Variants in PARD3 observed in about 807,000 individuals in gnomAD.
PARD3 encodes the protein par-3 family cell polarity regulator.
PARD3 carries 75 observed loss-of-function variants against 155.4 expected under a neutral mutation model. That is an observed-to-expected ratio of 0.48 (90% CI 0.40 to 0.58). The LOEUF is 0.58. Ranked by LOEUF, PARD3 falls within the 20% of genes least tolerant of loss-of-function variation. The pLI is 0.00. For synonymous variants in PARD3, 576 were observed against 610.5 expected (o/e 0.94, Z 0.83); for missense variants, 1,642 against 1,721.7 (o/e 0.95, Z 0.82).
At chr10:34,308,361 A>G (rs1957520604) in intron 20 of PARD3, among the ~76,000 whole-genome samples, 1 of 152,238 alleles carries the variant, frequency 6.6e-6, no homozygotes, top group Non-Finnish European at 1.5e-5. Flanking sequence ...AAGAGGGCAC[A>G]CAGAGCTTGG....
intron 2 of PARD3, among the ~76,000 whole-genome samples, chr10:34,571,770 T>G (rs1413094189): frequency 6.6e-6 from 1 of 152,226 alleles, no homozygotes; most frequent in African/African-American, 2.4e-5. Flanking sequence ...TTGGGAACAC[T>G]GAGTTGTGAA....
intron 20 of PARD3, among the ~76,000 whole-genome samples, chr10:34,311,321 CG>C (rs1049189053): frequency 1.3e-5 from 2 of 152,032 alleles, no homozygotes; most frequent in African/African-American, 4.8e-5. Flanking sequence ...AGGCTCGTCT[CG>C]AACTCCTGTG....
At chr10:34,481,944 G>A (rs893402981) in intron 3 of PARD3, among the ~76,000 whole-genome samples, 6 of 150,586 alleles carry the variant, frequency 4.0e-5, no homozygotes, top group Non-Finnish European at 5.9e-5. Context: ...CAATCCACCC[G>A]CCACAGCCTC....
chr10:34,151,738 C>T (rs924748728), intron 22 of PARD3, among the ~76,000 whole-genome samples: 3 of 152,174 alleles, frequency 2.0e-5, no homozygotes, highest in Non-Finnish European at 4.4e-5. Flanking sequence ...ATCAGATTTT[C>T]CCATAGGAGC....
At chr10:34,349,616 A>G (rs1427784466) in intron 14 of PARD3, among the ~76,000 whole-genome samples, 1 of 149,836 alleles carries the variant, frequency 6.7e-6, no homozygotes, top group Non-Finnish European at 1.5e-5. Flanking sequence ...AAAAGCTAAT[A>G]AAACGAATAC....
intron 22 of PARD3, among the ~76,000 whole-genome samples, chr10:34,207,470 C>A (rs997948318): frequency 1.3e-5 from 2 of 152,094 alleles, no homozygotes; most frequent in African/African-American, 4.8e-5. Context: ...AAAAGCATTT[C>A]CAATGGTGGG....
chr10:34,689,216 G>A (rs1436316750), intron 2 of PARD3, among the ~76,000 whole-genome samples: 1 of 152,170 alleles, frequency 6.6e-6, no homozygotes, highest in African/African-American at 2.4e-5. Flanking sequence ...GCCAAAAATA[G>A]TTGAAAACAC....
At chr10:34,442,008 T>G (rs1375539191) in intron 5 of PARD3, among the ~76,000 whole-genome samples, 1 of 152,190 alleles carries the variant, frequency 6.6e-6, no homozygotes, top group East Asian at 1.9e-4. Context: ...TAAAACAATC[T>G]TGATGTTTTT....
chr10:34,356,382 A>C (rs543180351), intron 14 of PARD3, among the ~76,000 whole-genome samples: 9 of 152,338 alleles, frequency 5.9e-5, no homozygotes, highest in African/African-American at 2.2e-4. Context: ...AAAATGAAAA[A>C]TAAAGAAGAC....
intron 5 of PARD3, among the ~76,000 whole-genome samples, chr10:34,436,807 T>C (rs990410941): frequency 6.6e-5 from 10 of 151,884 alleles, no homozygotes; most frequent in African/African-American, 2.2e-4. Context: ...TGCCAAGCTA[T>C]ATTAAGAAAA....
At chr10:34,416,987 G>A (rs1269512329) in intron 5 of PARD3, among the ~76,000 whole-genome samples, 2 of 152,200 alleles carry the variant, frequency 1.3e-5, no homozygotes, top group African/African-American at 4.8e-5. Flanking sequence ...CAGCAAGGAT[G>A]ATAACAGGGG....
At chr10:34,250,241 C>T (rs531693400) in intron 22 of PARD3, among the ~76,000 whole-genome samples, 2 of 151,832 alleles carry the variant, frequency 1.3e-5, no homozygotes, top group South Asian at 4.2e-4. Flanking sequence ...CAATTAGCAG[C>T]CTTCTGAATG....
At chr10:34,775,938 T>C (rs2134128180) in intron 1 of PARD3, among the ~76,000 whole-genome samples, 1 of 151,996 alleles carries the variant, frequency 6.6e-6, no homozygotes, top group Non-Finnish European at 1.5e-5. Context: ...TACAAAGTAA[T>C]ATATGGCCAG....
chr10:34,690,271 A>G (rs923929480), intron 2 of PARD3, among the ~76,000 whole-genome samples: 3 of 152,168 alleles, frequency 2.0e-5, no homozygotes, highest in African/African-American at 7.2e-5. Context: ...TAATAGCCCA[A>G]TGACTGCAGA....
At chr10:34,440,013 G>A (rs1422515143) in intron 5 of PARD3, among the ~76,000 whole-genome samples, 1 of 152,084 alleles carries the variant, frequency 6.6e-6, no homozygotes. Context: ...CTCAGCGGTG[G>A]GAAGAAAACA....
intron 2 of PARD3, among the ~76,000 whole-genome samples, chr10:34,609,801 A>G (rs2090750035): frequency 6.6e-6 from 1 of 152,150 alleles, no homozygotes; most frequent in African/African-American, 2.4e-5. Context: ...TCAACCTCCC[A>G]AAGTGCGCCC....
intron 2 of PARD3, among the ~76,000 whole-genome samples, chr10:34,646,673 T>G (rs981951644): frequency 6.6e-6 from 1 of 152,198 alleles, no homozygotes; most frequent in Non-Finnish European, 1.5e-5. Flanking sequence ...GTAATTGCTT[T>G]TCGTGTGCGT....
At position 34,384,204 on chromosome 10, in the gene PARD3, T is replaced by G. The variant is rs1480275916; in HGVS notation, c.941A>C (p.His314Pro). ...ATCATTCTCACGAAAAAGATTTTCA[T>G]GTTCAGCTTTACCACCTTTCTCCAA... ...KRLEKGGKAE[H>P]ENLFRENDCI... Residue 314 changes from histidine to proline, a missense_variant, in exon 8 of 25, where the codon CAT becomes CCT. Physicochemically the swap from His to Pro is moderately conservative, Grantham distance 77. Coordinates refer to ENST00000374788, the MANE Select transcript of PARD3 (RefSeq NM_001184785.2). The G allele has an allele frequency of 1.2e-6, 2 of 1,613,640 alleles. No individual in the cohort carries two copies. The highest frequency in any genetic ancestry group is 1.7e-6 in the Non-Finnish European group (2 of 1,179,790).
intron 7 of PARD3, among the ~76,000 whole-genome samples, chr10:34,393,568 T>C (rs1481986594): frequency 1.4e-5 from 2 of 146,546 alleles, no homozygotes; most frequent in African/African-American, 2.6e-5. Flanking sequence ...AGAAGCTATC[T>C]CAAAAGGAAA....
Sources: allele counts gnomAD v4.1 joint callset (sites outside exome capture counted in the v4.1 genomes callset), GRCh38; gene constraint gnomAD v4.1.1; transcripts MANE v1.5; gene names NCBI Gene and HGNC (gene_info 2026-07-23, HGNC 2026-07-21).